Variants in TRPM7 observed in about 807,000 individuals in gnomAD.
The protein encoded by TRPM7 is LTRPC ion channel family member 7.
Under a neutral mutation model 229.7 loss-of-function variants are expected in TRPM7, and 134 were observed. The ratio of observed to expected loss-of-function variants is 0.58; its 90% CI spans 0.51 to 0.67. TRPM7 has a LOEUF of 0.67. Ranked by LOEUF, TRPM7 falls within the 30% of genes least tolerant of loss-of-function variation. The pLI is 0.00. For synonymous variants in TRPM7, 699 were observed against 715.2 expected, an observed-to-expected ratio of 0.98 and a Z score of 0.36; for missense variants, 1,901 against 2,210.0, an observed-to-expected ratio of 0.86 and a Z score of 2.80.
At chr15:50,583,922 G>A (rs1381678773) in intron 28 of TRPM7, among the ~76,000 whole-genome samples, 1 of 152,074 alleles carries the variant, frequency 6.6e-6, no homozygotes. Flanking sequence ...ATTATCTTTC[G>A]ATGCTCTCTT....
chr15:50,657,368 C>G (rs1405248648), intron 3 of TRPM7, among the ~76,000 whole-genome samples: 1 of 152,122 alleles, frequency 6.6e-6, no homozygotes, highest in African/African-American at 2.4e-5. Flanking sequence ...ATTGCCTGTA[C>G]AATATCCTTT....
chr15:50,646,225 T>C (rs1307742975), intron 4 of TRPM7, among the ~76,000 whole-genome samples: 1 of 151,942 alleles, frequency 6.6e-6, no homozygotes, highest in Non-Finnish European at 1.5e-5. Flanking sequence ...TGGGCAAGGT[T>C]TTCCTCATCA....
intron 27 of TRPM7, among the ~76,000 whole-genome samples, chr15:50,587,337 C>T (rs1291532318): frequency 3.3e-5 from 5 of 150,150 alleles, no homozygotes; most frequent in Non-Finnish European, 7.4e-5. Context: ...CTACATTTTC[C>T]CTTAATATTT....
At chr15:50,577,566 G>A (rs2054196165) in intron 31 of TRPM7, among the ~76,000 whole-genome samples, 1 of 152,140 alleles carries the variant, frequency 6.6e-6, no homozygotes, top group Non-Finnish European at 1.5e-5. Context: ...CCGGGGGCAG[G>A]GAAGGGTGGC....
chr15:50,578,388 C>T (rs1315073666), intron 31 of TRPM7, among the ~76,000 whole-genome samples: 1 of 152,056 alleles, frequency 6.6e-6, no homozygotes, highest in African/African-American at 2.4e-5. Flanking sequence ...AGAAAAGGAG[C>T]AGGCTGTATA....
chr15:50,624,129 A>G, intron 12 of TRPM7, 37 bp downstream of exon 12: 1 of 1,569,984 alleles, frequency 6.4e-7, no homozygotes, highest in Non-Finnish European at 8.6e-7. Context: ...CCCAAAAGAT[A>G]AAATGTAGTC....
At position 50,686,561 on chromosome 15, in the gene TRPM7, G is replaced by A. The variant is rs774341820; in HGVS notation, c.-28C>T. 1 of 1,609,196 alleles carries A rather than the reference G, an allele frequency of 6.2e-7. No homozygotes were observed. The highest frequency in any genetic ancestry group is 1.1e-5 in the South Asian group (1 of 90,924). On this transcript the variant is annotated 5_prime_UTR_variant, in exon 1 of 39. Coordinates refer to ENST00000646667, the MANE Select transcript of TRPM7 (RefSeq NM_017672.6). Reference sequence around the variant, plus strand: ...TCCTCACGGGGCGGACTCCGGAAGGGCAGCAACTCCACCTCCTCCTCCTCC... The same window carrying A: ...TCCTCACGGGGCGGACTCCGGAAGGACAGCAACTCCACCTCCTCCTCCTCC...
chr15:50,587,004 G>A (rs1490036685), intron 27 of TRPM7, among the ~76,000 whole-genome samples: 1 of 152,004 alleles, frequency 6.6e-6, no homozygotes, highest in South Asian at 2.1e-4. Flanking sequence ...GGCAGAACGA[G>A]ACTCCGTCTC....
At chr15:50,665,394 A>T (rs1041829766) in intron 1 of TRPM7, among the ~76,000 whole-genome samples, 10 of 66,674 alleles carry the variant, frequency 1.5e-4, no homozygotes, top group Non-Finnish European at 4.4e-4. Flanking sequence ...AACTCTGTCT[A>T]AAAAAAAAAA....
chr15:50,559,857 A>G lies in TRPM7; in HGVS notation c.*1821T>C, dbSNP rs1231974564. ...GTGAAACCCTGTCTCTACTAAAAAT[A>G]TAAAAATTAGCTGGGCATGGTGGCG... On this transcript the variant is annotated 3_prime_UTR_variant, in exon 39 of 39. Transcript: ENST00000646667. The G allele has an allele frequency of 6.6e-6, 1 of 152,090 alleles. No homozygotes were observed. Among genetic ancestry groups the G allele is most frequent in the East Asian group, 1.9e-4 (1 of 5,162 alleles). The allele number at this position is 152,090 out of a possible 1,614,324, so 9.4% of individuals were successfully genotyped here.
intron 11 of TRPM7, among the ~76,000 whole-genome samples, chr15:50,627,531 A>G (rs2060600824): frequency 6.6e-6 from 1 of 152,226 alleles, no homozygotes; most frequent in Admixed American, 6.5e-5. Context: ...CAAAGAGGAT[A>G]GTAGTAGCAT....
chr15:50,589,043 C>CG (rs1433672499), intron 27 of TRPM7, among the ~76,000 whole-genome samples: 2 of 151,994 alleles, frequency 1.3e-5, no homozygotes, highest in East Asian at 3.9e-4. Context: ...AAATGTAGGC[C>CG]GGGCACAGTG....
chr15:50,641,281 T>C (rs7165684), intron 5 of TRPM7, among the ~76,000 whole-genome samples: 12,108 of 152,232 alleles, frequency 0.08, 574 homozygotes, highest in South Asian at 0.12. Context: ...ACCATGCTTC[T>C]CTACCACCAT....
chr15:50,679,538 A>ATATATTTTTTT (rs1400383980), intron 1 of TRPM7, among the ~76,000 whole-genome samples: 3 of 43,904 alleles, frequency 6.8e-5, no homozygotes, highest in African/African-American at 3.2e-4. Flanking sequence ...ATATATATAT[A>ATATATTTTTTT]TTTTTTTTTT....
chr15:50,605,019 T>C lies in TRPM7; in HGVS notation c.2835A>G (p.Ala945=). The change falls in exon 21 of 39, where the codon GCA becomes GCG. Residue 945 remains alanine, a synonymous_variant. Coordinates refer to ENST00000646667, the MANE Select transcript of TRPM7 (RefSeq NM_017672.6). ...FFIGFGLRFG[A]KWNFANAYDN... The stretch of plus-strand genomic sequence containing the variant: ...CATATGCATTTGCAAAGTTCCATTT[T>C]GCTCCAAATCTTAGTCCAAATCCAA... The C allele has an allele frequency of 1.2e-6, 2 of 1,613,968 alleles. No homozygotes were observed. Among genetic ancestry groups the C allele is most frequent in the Non-Finnish European group, 1.7e-6 (2 of 1,179,928 alleles).
chr15:50,682,728 T>C (rs1026782907), intron 1 of TRPM7, among the ~76,000 whole-genome samples: 5 of 152,168 alleles, frequency 3.3e-5, no homozygotes, highest in Admixed American at 2.6e-4. Flanking sequence ...AGTCAAACAC[T>C]GTATTCACAT....
rs777572962 is a variant in TRPM7, at chr15:50,596,763, T to C, written c.3164-382A>G. On this transcript the variant is annotated intron_variant, in intron 22 of 38. Coordinates refer to ENST00000646667, the MANE Select transcript of TRPM7 (RefSeq NM_017672.6). ...AAGAAAAATGTCCAAACTTTTTTTTTCCCCTGAGACGGAGTCTTGCTCTGT... is the reference window on the plus strand; with the variant it reads ...AAGAAAAATGTCCAAACTTTTTTTTCCCCCTGAGACGGAGTCTTGCTCTGT... Among the ~76,000 whole-genome samples the C allele has an allele frequency of 3.4e-3, 510 of 152,006 alleles. 1 individual carries two copies. Among genetic ancestry groups the C allele is most frequent in the Non-Finnish European group, 5.2e-3 (351 of 67,896 alleles).
intron 12 of TRPM7, among the ~76,000 whole-genome samples, chr15:50,621,035 T>C (rs2060384377): frequency 6.6e-6 from 1 of 151,946 alleles, no homozygotes; most frequent in Non-Finnish European, 1.5e-5. Flanking sequence ...GGCGGGCGCC[T>C]GTAGTCCCAG....
At position 50,593,761 on chromosome 15, in the gene TRPM7, A is replaced by G; in HGVS notation, c.3476-12T>C. 1 of 1,594,104 alleles carries G rather than the reference A, an allele frequency of 6.3e-7. No individual in the cohort carries two copies. Among genetic ancestry groups the G allele is most frequent in the South Asian group, 1.2e-5 (1 of 85,778 alleles). ...TGTTAAGAAAAGTTCTATGGGAGGAAAAGGAGAAGAAAATCAAGGAAGAGC... is the reference window on the plus strand; with the variant it reads ...TGTTAAGAAAAGTTCTATGGGAGGAGAAGGAGAAGAAAATCAAGGAAGAGC... On this transcript the variant is annotated splice_polypyrimidine_tract_variant and intron_variant, in intron 24 of 38. Transcript: ENST00000646667.
Sources: gnomAD v4.1 joint callset for allele counts (sites outside exome capture counted in the v4.1 genomes callset) on GRCh38, gnomAD v4.1.1 for gene constraint, MANE v1.5 for transcripts, NCBI Gene and HGNC (gene_info 2026-07-23, HGNC 2026-07-21) for gene names.